TULP4: variants seen among roughly 807,000 people sequenced by gnomAD.
TULP4 encodes TUB like protein 4.
TULP4 carries 16 observed loss-of-function variants against 129.0 expected under a neutral mutation model. The observed-to-expected ratio is 0.12, with a 90% CI of 0.08 to 0.19. The LOEUF is 0.19. TULP4 is among the 10% of genes least tolerant of loss of function. The pLI, the probability that TULP4 is intolerant of heterozygous loss-of-function variation, is 1.00. For synonymous variants in TULP4, 998 were observed against 854.0 expected, an observed-to-expected ratio of 1.17 and a Z score of -2.94; for missense variants, 1,842 against 2,059.1, an observed-to-expected ratio of 0.89 and a Z score of 2.04.
At chr6:158,415,955 A>G (rs1053949080) in intron 2 of TULP4, among the ~76,000 whole-genome samples, 13 of 152,314 alleles carry the variant, frequency 8.5e-5, no homozygotes, top group Middle Eastern at 3.4e-3. Flanking sequence ...CAAAACCACA[A>G]AAGTTGGGAA....
At chr6:158,245,835 A>G (rs1340220614) in intron 1 of TULP4, among the ~76,000 whole-genome samples, 1 of 152,206 alleles carries the variant, frequency 6.6e-6, no homozygotes, top group Non-Finnish European at 1.5e-5. Context: ...GGCACAGAAG[A>G]TGCTGAACAA....
In TULP4 at chr6:158,314,043, T is replaced by C. The variant is rs774643694; in HGVS notation, c.27T>C (p.Pro9=). Residue 9 remains proline, a synonymous_variant, in exon 1 of 14, where the codon CCT becomes CCC. Coordinates refer to ENST00000367097, the MANE Select transcript of TULP4 (RefSeq NM_020245.5). MYAAVEHG[P]VLCSDSNILC... ...TGTATGCAGCAGTGGAACATGGGCCTGTGCTTTGCAGCGATTCCAACATCC... is the reference window on the plus strand; with the variant it reads ...TGTATGCAGCAGTGGAACATGGGCCCGTGCTTTGCAGCGATTCCAACATCC... 4 of 1,614,212 alleles carry C rather than the reference T, an allele frequency of 2.5e-6. No individual in the cohort carries two copies. The highest frequency in any genetic ancestry group is 3.4e-6 in the Non-Finnish European group (4 of 1,180,026).
intron 1 of TULP4, among the ~76,000 whole-genome samples, chr6:158,317,186 G>GTT (rs11416618): frequency 2.0e-5 from 3 of 151,638 alleles, no homozygotes; most frequent in Non-Finnish European, 4.4e-5. Context: ...TACTTTTTTG[G>GTT]TTTTTTTTGA....
chr6:158,501,009 G>T (rs1468770260), intron 12 of TULP4, among the ~76,000 whole-genome samples: 1 of 152,146 alleles, frequency 6.6e-6, no homozygotes, highest in African/African-American at 2.4e-5. Flanking sequence ...AACCCAGGAG[G>T]TGGAGGTTGC....
chr6:158,249,836 C>G (rs991193786), intron 1 of TULP4, among the ~76,000 whole-genome samples: 1 of 152,058 alleles, frequency 6.6e-6, no homozygotes, highest in African/African-American at 2.4e-5. Context: ...AGTTTTTGAC[C>G]AATTAAAATG....
Position 158,509,115 on chromosome 6 carries a change from CCTGACCTCA to C in TULP4, c.*2422_*2430del, listed in dbSNP as rs1780673720. ...ATGTTGGCCAGGCTGGTCTTGAACTCCTGACCTCAGGTGATCCGCCCGCCTCGGCCTCCC... is the reference window on the plus strand; with the variant it reads ...ATGTTGGCCAGGCTGGTCTTGAACTCGGTGATCCGCCCGCCTCGGCCTCCC... On this transcript the variant is annotated 3_prime_UTR_variant, in exon 14 of 14. Transcript: ENST00000367097. 6.6e-6 allele frequency: 1 copy of C among 151,750 alleles called. No homozygotes were observed. The highest frequency in any genetic ancestry group is 1.5e-5 in the Non-Finnish European group (1 of 67,986). The allele number at this position is 151,750 out of a possible 1,614,324, so 9.4% of individuals were successfully genotyped here.
At chr6:158,298,884 A>G (rs918156046) in intron 1 of TULP4, among the ~76,000 whole-genome samples, 5 of 152,232 alleles carry the variant, frequency 3.3e-5, no homozygotes, top group Non-Finnish European at 5.9e-5. Flanking sequence ...GTAGAGGAGC[A>G]TACCTGGGTC....
At chr6:158,450,809 C>T (rs1446512355) in intron 4 of TULP4, among the ~76,000 whole-genome samples, 1 of 151,708 alleles carries the variant, frequency 6.6e-6, no homozygotes, top group Non-Finnish European at 1.5e-5. Flanking sequence ...GTAATCCTAG[C>T]ACTTTGGGAG....
chr6:158,340,737 G>T (rs6905145), intron 1 of TULP4, among the ~76,000 whole-genome samples: 11,016 of 152,154 alleles, frequency 0.072, 619 homozygotes, highest in African/African-American at 0.16. Flanking sequence ...AGAGTCCTTC[G>T]CAGGCCCTCA....
At chr6:158,492,212 A>G (rs1001776699) in intron 9 of TULP4, among the ~76,000 whole-genome samples, 2 of 152,196 alleles carry the variant, frequency 1.3e-5, no homozygotes, top group African/African-American at 4.8e-5. Flanking sequence ...ATGGCCATAT[A>G]GTCCAGCACG....
At chr6:158,405,465 G>C (rs948995950) in intron 1 of TULP4, among the ~76,000 whole-genome samples, 1 of 152,222 alleles carries the variant, frequency 6.6e-6, no homozygotes, top group South Asian at 2.1e-4. Flanking sequence ...TGTTGAGAAT[G>C]TGGGGGTCAA....
intron 1 of TULP4, among the ~76,000 whole-genome samples, chr6:158,240,212 G>A (rs1437148070): frequency 6.6e-4 from 42 of 63,640 alleles, no homozygotes; most frequent in Non-Finnish European, 1.1e-3. Flanking sequence ...CTGGCCGGGC[G>A]GGGGGCTGAC....
chr6:158,355,176 A>G (rs1019098120), intron 1 of TULP4, among the ~76,000 whole-genome samples: 48 of 151,818 alleles, frequency 3.2e-4, no homozygotes, highest in African/African-American at 1.2e-3. Context: ...GGCCCAAGCA[A>G]TCATCCCGCC....
intron 3 of TULP4, among the ~76,000 whole-genome samples, chr6:158,433,471 T>C (rs62438576): frequency 0.044 from 6,674 of 152,288 alleles, 218 homozygotes; most frequent in Middle Eastern, 0.068. Context: ...TCCCAACACT[T>C]TGGGAGGCCG....
rs182900964 is a variant in TULP4 at position 158,296,551 on chromosome 6, T to A, written n.116+14173T>A. ...AAAAGCAGAACTACTGATAAGGGTC[T>A]AACAAAGATCACATGCTTCTGAGGG... On this transcript the variant is annotated intron_variant and non_coding_transcript_variant, in intron 1 of 1. Transcript: ENST00000432358. 1.4e-4 allele frequency among the ~76,000 whole-genome samples: 22 copies of A among 152,098 alleles called. No individual in the cohort carries two copies. In the East Asian group the frequency reaches 3.5e-3, roughly 24 times the overall value.
At chr6:158,500,995 C>T (rs1327816911) in intron 12 of TULP4, among the ~76,000 whole-genome samples, 2 of 152,054 alleles carry the variant, frequency 1.3e-5, no homozygotes, top group Non-Finnish European at 2.9e-5. Context: ...AGGAGAATCA[C>T]TTGAACCCAG....
rs1171180222 is a variant in TULP4, at chr6:158,331,757, G to GTATATA, written c.252+17490_252+17491insATATAT. ...CGTATATATATACGTGTATATACAC[G>GTATATA]TGTATATATACACGTATATATACAC... On this transcript the variant is annotated intron_variant, in intron 1 of 13. Coordinates refer to ENST00000367097, the MANE Select transcript of TULP4 (RefSeq NM_020245.5). 2.3e-3 allele frequency among the ~76,000 whole-genome samples: 38 copies of GTATATA among 16,404 alleles called. 2 individuals carry two copies. Among genetic ancestry groups the GTATATA allele is most frequent in the East Asian group, 4.8e-3 (1 of 210 alleles). 10.8% of individuals were successfully genotyped at this position (16,404 alleles called of 152,430 possible).
intron 1 of TULP4, among the ~76,000 whole-genome samples, chr6:158,320,771 G>A (rs1779607724): frequency 6.6e-6 from 1 of 152,194 alleles, no homozygotes; most frequent in Non-Finnish European, 1.5e-5. Flanking sequence ...AGGCAGCTAT[G>A]TGTAGTTGCT....
At chr6:158,467,768 C>T (rs933543889) in intron 6 of TULP4, among the ~76,000 whole-genome samples, 2 of 152,208 alleles carry the variant, frequency 1.3e-5, no homozygotes. Flanking sequence ...TCCTCTGACC[C>T]TGCCAATCTG....
Sources: allele counts gnomAD v4.1 joint callset (sites outside exome capture counted in the v4.1 genomes callset), GRCh38; gene constraint gnomAD v4.1.1; transcripts MANE v1.5; gene names NCBI Gene and HGNC (gene_info 2026-07-23, HGNC 2026-07-21).